NR1H4: variants seen among roughly 807,000 people sequenced by gnomAD.
NR1H4 encodes nuclear receptor subfamily 1 group H member 4.
A neutral mutation model predicts 58.5 loss-of-function variants in NR1H4; 23 were observed. That is an observed-to-expected ratio of 0.39 (90% CI 0.28 to 0.56). NR1H4 has a LOEUF of 0.56. NR1H4 is among the 20% of genes least tolerant of loss of function. The probability of loss-of-function intolerance (pLI) is 0.58; values close to 1 mark genes in which losing one functional copy is unlikely to be tolerated. For synonymous variants in NR1H4, 214 were observed against 198.0 expected, an observed-to-expected ratio of 1.08 and a Z score of -0.68; for missense variants, 487 against 576.9, an observed-to-expected ratio of 0.84 and a Z score of 1.60.
intron 9 of NR1H4, among the ~76,000 whole-genome samples, chr12:100,556,160 A>G (rs1003171533): frequency 6.6e-6 from 1 of 152,210 alleles, no homozygotes; most frequent in African/African-American, 2.4e-5. Context: ...CAAAAAAATT[A>G]AATAAATCGT....
chr12:100,557,680 A>T (rs1028086536), intron 9 of NR1H4, among the ~76,000 whole-genome samples: 9 of 152,180 alleles, frequency 5.9e-5, no homozygotes, highest in African/African-American at 2.2e-4. Context: ...CAGTGAGGAC[A>T]TGCGGTATTT....
intron 3 of NR1H4, among the ~76,000 whole-genome samples, chr12:100,498,499 G>A (rs777578739): frequency 2.0e-4 from 31 of 152,090 alleles, no homozygotes; most frequent in Middle Eastern, 3.4e-3. Context: ...TTAGCTGGGC[G>A]TGGTGGCACG....
chr12:100,475,618 T>A (rs1688960499), intron 1 of NR1H4, among the ~76,000 whole-genome samples: 1 of 152,360 alleles, frequency 6.6e-6, no homozygotes, highest in Admixed American at 6.5e-5. Context: ...GAAATGTGTG[T>A]ATGTATGAGT....
intron 9 of NR1H4, among the ~76,000 whole-genome samples, chr12:100,542,115 G>C (rs909063230): frequency 2.0e-5 from 3 of 151,994 alleles, no homozygotes; most frequent in Admixed American, 1.3e-4. Flanking sequence ...GGAGGCAGAG[G>C]GGGGTGGATC....
chr12:100,559,336 G>A (rs1955406965), intron 9 of NR1H4, among the ~76,000 whole-genome samples: 1 of 152,200 alleles, frequency 6.6e-6, no homozygotes, highest in Non-Finnish European at 1.5e-5. Flanking sequence ...TTCAGGGCTG[G>A]CCAAGGCTGG....
chr12:100,537,137 A>T (rs1954832402), intron 8 of NR1H4, 90 bp downstream of exon 8: 1 of 840,580 alleles, frequency 1.2e-6, no homozygotes, highest in East Asian at 2.5e-5. Flanking sequence ...CGGTGTTTTA[A>T]TTTTCAAAAC....
In NR1H4 at chr12:100,563,502, G is replaced by T. The variant is rs1280220954; in HGVS notation, c.*13G>T. The T allele has an allele frequency of 1.3e-6, 2 of 1,591,562 alleles. No homozygotes were observed. The highest frequency in any genetic ancestry group is 4.5e-5 in the East Asian group (2 of 44,770). On this transcript the variant is annotated 3_prime_UTR_variant, in exon 11 of 11. Coordinates refer to ENST00000392986, the MANE Select transcript of NR1H4 (RefSeq NM_001206979.2). ...GGACGTGCAGTGATGGGGATTACAG[G>T]GGAGGGGTCTAGCTCCTTTTTCTCT...
intron 9 of NR1H4, among the ~76,000 whole-genome samples, chr12:100,558,636 G>C (rs1301847021): frequency 7.9e-5 from 12 of 152,210 alleles, no homozygotes. Context: ...TGGGATTATA[G>C]GCGTAAGCCA....
intron 3 of NR1H4, among the ~76,000 whole-genome samples, chr12:100,497,890 T>G (rs1347543380): frequency 6.6e-6 from 1 of 152,100 alleles, no homozygotes; most frequent in African/African-American, 2.4e-5. Flanking sequence ...TTACAAAAAT[T>G]TAGAGACTAA....
At chr12:100,547,278 G>C (rs1488528599) in intron 9 of NR1H4, among the ~76,000 whole-genome samples, 1 of 152,138 alleles carries the variant, frequency 6.6e-6, no homozygotes, top group African/African-American at 2.4e-5. Context: ...TGTCAAGACA[G>C]AGATTGTCAC....
intron 4 of NR1H4, among the ~76,000 whole-genome samples, chr12:100,523,348 G>A (rs1954475879): frequency 6.6e-6 from 1 of 152,134 alleles, no homozygotes; most frequent in African/African-American, 2.4e-5. Context: ...CCATTTGTAT[G>A]TGTTCTTTTG....
At chr12:100,477,225 A>G (rs954623081) in intron 1 of NR1H4, among the ~76,000 whole-genome samples, 2 of 152,174 alleles carry the variant, frequency 1.3e-5, no homozygotes, top group African/African-American at 4.8e-5. Flanking sequence ...TGATAAGATG[A>G]CACTAATATA....
intron 9 of NR1H4, among the ~76,000 whole-genome samples, chr12:100,548,662 T>TA (rs949186246): frequency 2.0e-5 from 3 of 152,268 alleles, no homozygotes; most frequent in African/African-American, 7.2e-5. Flanking sequence ...TACTTTTTTT[T>TA]AACAAGCTTT....
intron 9 of NR1H4, among the ~76,000 whole-genome samples, chr12:100,545,208 A>G (rs1177707235): frequency 6.6e-6 from 1 of 152,038 alleles, no homozygotes; most frequent in African/African-American, 2.4e-5. Flanking sequence ...CATGATGACC[A>G]CTGGGTTAGT....
intron 3 of NR1H4, chr12:100,503,235 C>T (rs1953876098): frequency 1.0e-6 from 1 of 964,644 alleles, no homozygotes; most frequent in Non-Finnish European, 1.4e-6. Context: ...AGACTGGTTT[C>T]CAGCTTACTA....
chr12:100,488,443 A>T (rs1269895244), intron 1 of NR1H4, among the ~76,000 whole-genome samples: 2 of 152,236 alleles, frequency 1.3e-5, no homozygotes, highest in African/African-American at 4.8e-5. Flanking sequence ...GTAAATGGGT[A>T]CTCATAATAG....
chr12:100,527,069 A>G (rs1447060505), intron 4 of NR1H4, among the ~76,000 whole-genome samples: 5 of 152,236 alleles, frequency 3.3e-5, no homozygotes, highest in Admixed American at 2.6e-4. Context: ...TGCTCCTACA[A>G]TTATTGCAAA....
intron 3 of NR1H4, among the ~76,000 whole-genome samples, chr12:100,504,495 C>T (rs1211617335): frequency 6.6e-6 from 1 of 152,104 alleles, no homozygotes; most frequent in Non-Finnish European, 1.5e-5. Context: ...TATGTGTCAG[C>T]CATTGAGTTA....
intron 4 of NR1H4, among the ~76,000 whole-genome samples, chr12:100,519,745 C>T (rs908514034): frequency 1.3e-5 from 2 of 152,150 alleles, no homozygotes; most frequent in Non-Finnish European, 2.9e-5. Context: ...ATCTCTCAAT[C>T]CACCTATCCT....
Sources: gnomAD v4.1 joint callset for allele counts (sites outside exome capture counted in the v4.1 genomes callset) on GRCh38, gnomAD v4.1.1 for gene constraint, MANE v1.5 for transcripts, NCBI Gene and HGNC (gene_info 2026-07-23, HGNC 2026-07-21) for gene names.